DYNC1LI2: variants seen among roughly 807,000 people sequenced by gnomAD.
The protein encoded by DYNC1LI2 is cytoplasmic dynein 1 light intermediate chain 2.
In DYNC1LI2, 19 loss-of-function variants were observed where a neutral mutation model predicts 57.8. The ratio of observed to expected loss-of-function variants is 0.33; its 90% CI spans 0.23 to 0.48. The LOEUF (loss-of-function observed/expected upper bound fraction) is 0.48, where lower values mean the gene tolerates loss of function less well. Ranked by LOEUF, DYNC1LI2 falls within the 20% of genes least tolerant of loss-of-function variation. DYNC1LI2 has a pLI of 0.99. For synonymous variants in DYNC1LI2, 256 were observed against 233.4 expected (o/e 1.10, Z -0.88); for missense variants, 470 against 604.2 (o/e 0.78, Z 2.33).
chr16:66,723,042 C>T lies in DYNC1LI2; in HGVS notation c.*680G>A, dbSNP rs2144961222. The T allele has an allele frequency of 6.2e-6, 2 of 324,196 alleles. No individual in the cohort carries two copies. The highest frequency in any genetic ancestry group is 5.3e-5 in the South Asian group (2 of 37,738). 20.1% of individuals were successfully genotyped at this position (324,196 alleles called of 1,614,324 possible). A position where few individuals can be genotyped will look rare whatever the true frequency, so the allele number is the denominator to read the frequency against. ...CCTGGGCAGCTGCCATCGTTCCCAC[C>T]CCTGGGTCAGCTCCGCCTGACTCAG... On this transcript the variant is annotated 3_prime_UTR_variant, in exon 13 of 13. Transcript: ENST00000258198.
Position 66,732,430 on chromosome 16 carries a change from G to C in DYNC1LI2, c.838C>G (p.Leu280Val), listed in dbSNP as rs765637765. ...IYTSVKEEKN[L>V]DLLYKYIVHK... ...ACAATATACTTATACAACAAGTCGA[G>C]GTTTTTCTCTTCTTTCACTGATGTG... is the stretch of plus-strand genomic sequence containing the variant. Residue 280 changes from leucine to valine, a missense_variant, in exon 7 of 13, where the codon CTC becomes GTC. Physicochemically the swap from Leu to Val is conservative, Grantham distance 32. Transcript: ENST00000258198. The C allele has an allele frequency of 6.2e-7, 1 of 1,613,406 alleles. No homozygotes were observed. The highest frequency in any genetic ancestry group is 8.5e-7 in the Non-Finnish European group (1 of 1,179,914).
intron 5 of DYNC1LI2, among the ~76,000 whole-genome samples, chr16:66,735,253 C>T (rs1306033885): frequency 1.3e-5 from 2 of 151,664 alleles, no homozygotes; most frequent in East Asian, 2.0e-4. Flanking sequence ...AGGCACCTGC[C>T]ACCACGCCTG....
chr16:66,739,200 AG>A (rs2017793314), intron 4 of DYNC1LI2: 1 of 152,222 alleles, frequency 6.6e-6, no homozygotes, highest in African/African-American at 2.4e-5. Flanking sequence ...AGAGCCTGGA[AG>A]GGCTCACAGG....
chr16:66,751,174 G>A lies in DYNC1LI2; in HGVS notation c.181+99C>T, dbSNP rs1440199059. Reference sequence around the variant, plus strand: ...GACGGTCCCTTTCCCGCCAGGCTGCGGGCAGGCGGCTGGAACGGGGAAGGC... The same window carrying A: ...GACGGTCCCTTTCCCGCCAGGCTGCAGGCAGGCGGCTGGAACGGGGAAGGC... On this transcript the variant is annotated intron_variant, in intron 2 of 12. Transcript: ENST00000258198. The surrounding 1 kb of genome is among the most constrained non-coding windows in gnomAD (Gnocchi z 5.2). 2.2e-6 allele frequency: 3 copies of A among 1,356,324 alleles called. No homozygotes were observed. Among genetic ancestry groups the A allele is most frequent in the Admixed American group, 2.3e-5 (1 of 43,358 alleles). 84.0% of individuals were successfully genotyped at this position (1,356,324 alleles called of 1,614,324 possible). A position where few individuals can be genotyped will look rare whatever the true frequency, so the allele number is the denominator to read the frequency against.
chr16:66,750,288 G>A (rs550927347), intron 2 of DYNC1LI2, among the ~76,000 whole-genome samples: 3 of 152,184 alleles, frequency 2.0e-5, no homozygotes, highest in African/African-American at 7.2e-5. Context: ...CATTCTAACA[G>A]TAGGAAAACT....
chr16:66,730,020 A>G (rs2017606986), intron 8 of DYNC1LI2, 92 bp downstream of exon 8: 4 of 1,049,872 alleles, frequency 3.8e-6, no homozygotes, highest in South Asian at 3.0e-5. Flanking sequence ...ACCTCATGTG[A>G]TCTGCCCGCT....
intron 7 of DYNC1LI2, chr16:66,732,119 G>T: frequency 3.9e-6 from 2 of 517,422 alleles, no homozygotes; most frequent in Non-Finnish European, 6.4e-6. Flanking sequence ...TTAGGTTTTG[G>T]CAACTTGCTC....
intron 4 of DYNC1LI2, among the ~76,000 whole-genome samples, chr16:66,742,201 G>A (rs2144999087): frequency 6.6e-6 from 1 of 152,290 alleles, no homozygotes; most frequent in Middle Eastern, 3.4e-3. Flanking sequence ...ATTTGAAACG[G>A]AAACCAATGA....
At chr16:66,736,838 AT>A (rs1414795631) in intron 4 of DYNC1LI2, among the ~76,000 whole-genome samples, 1 of 152,204 alleles carries the variant, frequency 6.6e-6, no homozygotes, top group Non-Finnish European at 1.5e-5. Context: ...TAAGGTTTCA[AT>A]AGTTCTTACC....
chr16:66,741,564 A>G (rs995766684), intron 4 of DYNC1LI2, among the ~76,000 whole-genome samples: 2 of 152,180 alleles, frequency 1.3e-5, no homozygotes, highest in South Asian at 2.1e-4. Flanking sequence ...TCTGCCAGTA[A>G]GTGTGAAGAT....
At chr16:66,744,630 G>A (rs1008211162) in intron 3 of DYNC1LI2, among the ~76,000 whole-genome samples, 26 of 151,986 alleles carry the variant, frequency 1.7e-4, no homozygotes, top group African/African-American at 1.5e-4. Context: ...CGCCGCAACC[G>A]CCGCCACCCC....
intron 4 of DYNC1LI2, chr16:66,738,210 G>A (rs1456517687): frequency 6.7e-6 from 1 of 148,382 alleles, no homozygotes; most frequent in Non-Finnish European, 1.5e-5. Context: ...AGGCCCTAAA[G>A]TGCAGATGTG....
chr16:66,736,324 A>G (rs2017734690), intron 4 of DYNC1LI2, 80 bp from the exon 5 acceptor site: 1 of 1,511,492 alleles, frequency 6.6e-7, no homozygotes, highest in Non-Finnish European at 9.0e-7. Context: ...AAAGAAGGCA[A>G]TAATAAGCAC....
chr16:66,728,242 A>G lies in DYNC1LI2; in HGVS notation c.1102T>C (p.Ser368Pro). The G allele has an allele frequency of 6.2e-7, 1 of 1,614,098 alleles. No homozygotes were observed. The highest frequency in any genetic ancestry group is 8.5e-7 in the Non-Finnish European group (1 of 1,179,990). The change falls in exon 10 of 13, where the codon TCA becomes CCA. Residue 368 changes from serine to proline, a missense_variant and splice_region_variant. Ser to Pro is a moderately conservative substitution (Grantham distance 74, BLOSUM62 -1). Transcript: ENST00000258198. ...GTGGCTGGTTGCTTGGCAAGGAGTGACTGCAAAGAGAGGGACAAACTGGCT... is the reference window on the plus strand; with the variant it reads ...GTGGCTGGTTGCTTGGCAAGGAGTGGCTGCAAAGAGAGGGACAAACTGGCT... ...DEQVFLMKQQ[S>P]LLAKQPATPT...
intron 4 of DYNC1LI2, among the ~76,000 whole-genome samples, chr16:66,740,429 CA>C (rs1365016735): frequency 3.2e-4 from 48 of 152,278 alleles, no homozygotes; most frequent in African/African-American, 1.1e-3. Flanking sequence ...CCAGTACTAA[CA>C]AAGGCTCCTC....
At position 66,728,021 on chromosome 16, in the gene DYNC1LI2, T is replaced by G; in HGVS notation, c.1143+180A>C. ...CTCACTCTAATTCCCAGAGTTGTAT[T>G]CTTTCATCAGAAACTTCTTGAGTTT... On this transcript the variant is annotated intron_variant, in intron 10 of 12. Transcript: ENST00000258198. The G allele has an allele frequency of 4.3e-6, 4 of 933,776 alleles. No homozygotes were observed. In the South Asian group the frequency reaches 7.0e-5, roughly 16 times the overall value. 57.8% of individuals were successfully genotyped at this position (933,776 alleles called of 1,614,324 possible).
At chr16:66,731,201 C>G (rs1475562464) in intron 7 of DYNC1LI2, 2 of 152,392 alleles carry the variant, frequency 1.3e-5, no homozygotes, top group Middle Eastern at 3.4e-3. Flanking sequence ...AGACCAGCCC[C>G]AAATCCAACC....
At chr16:66,728,446 A>T (rs1469852945) in intron 9 of DYNC1LI2, among the ~76,000 whole-genome samples, 1 of 152,264 alleles carries the variant, frequency 6.6e-6, no homozygotes, top group Admixed American at 6.5e-5. Context: ...CCAGTTTTGA[A>T]GCTAAGGAAG....
chr16:66,733,883 C>T (rs1040348547), intron 6 of DYNC1LI2: 3 of 223,546 alleles, frequency 1.3e-5, no homozygotes, highest in African/African-American at 2.3e-5. Flanking sequence ...AAAAATACGC[C>T]GAGCGCAGTA....
Sources: gnomAD v4.1 joint callset for allele counts (sites outside exome capture counted in the v4.1 genomes callset) on GRCh38, gnomAD v4.1.1 for gene constraint, Gnocchi (gnomAD v3.1) non-coding constraint, MANE v1.5 for transcripts, NCBI Gene and HGNC (gene_info 2026-07-23, HGNC 2026-07-21) for gene names.